CCDC141: variants seen among roughly 807,000 people sequenced by gnomAD.
The protein encoded by CCDC141 is coiled-coil domain-containing protein 141.
In CCDC141, 168 loss-of-function variants were observed where a neutral mutation model predicts 181.0. The observed-to-expected ratio is 0.93, with a 90% CI of 0.82 to 1.05. The LOEUF is 1.05. Among genes scored for constraint, CCDC141 ranks in the 50% least tolerant of loss-of-function variants. The pLI is 0.00. For missense variants in CCDC141, 1,902 were observed against 1,788.5 expected (o/e 1.06, Z -1.14); for synonymous variants, 666 against 642.3 (o/e 1.04, Z -0.56).
At chr2:178,926,878 G>A (rs1688927613) in intron 6 of CCDC141, among the ~76,000 whole-genome samples, 1 of 152,104 alleles carries the variant, frequency 6.6e-6, no homozygotes, top group Non-Finnish European at 1.5e-5. Context: ...TATATGCATT[G>A]GAACATCACT....
intron 4 of CCDC141, among the ~76,000 whole-genome samples, chr2:178,965,534 T>A (rs534292679): frequency 9.2e-5 from 14 of 152,090 alleles, no homozygotes; most frequent in Non-Finnish European, 1.5e-4. Context: ...AGGGGAATTT[T>A]CTCCCCTACC....
At chr2:178,861,635 C>CA (rs550382240) in intron 17 of CCDC141, among the ~76,000 whole-genome samples, 40,818 of 97,690 alleles carry the variant, frequency 0.42, 7,205 homozygotes, top group African/African-American at 0.53. Flanking sequence ...GACTCAGTCT[C>CA]AAAAAAAAAA....
chr2:178,894,777 G>T (rs555337721), intron 8 of CCDC141, among the ~76,000 whole-genome samples: 1 of 151,802 alleles, frequency 6.6e-6, no homozygotes, highest in East Asian at 1.9e-4. Context: ...AGACCAAGAG[G>T]CTCCAACATT....
chr2:178,899,174 A>G (rs1368592386), intron 8 of CCDC141, among the ~76,000 whole-genome samples: 3 of 152,186 alleles, frequency 2.0e-5, no homozygotes, highest in Non-Finnish European at 4.4e-5. Flanking sequence ...ATAATATTCA[A>G]TACAGTAACA....
At chr2:178,993,523 C>T (rs1416291694) in intron 2 of CCDC141, among the ~76,000 whole-genome samples, 1 of 152,166 alleles carries the variant, frequency 6.6e-6, no homozygotes, top group Non-Finnish European at 1.5e-5. Context: ...CCCACCAGGT[C>T]TCTCCCACAG....
intron 2 of CCDC141, among the ~76,000 whole-genome samples, chr2:179,017,083 T>C (rs1023650756): frequency 2.0e-5 from 3 of 152,158 alleles, no homozygotes; most frequent in African/African-American, 7.2e-5. Flanking sequence ...ACAGCACGAA[T>C]ATTTGTAAGT....
intron 2 of CCDC141, among the ~76,000 whole-genome samples, chr2:179,023,922 T>A (rs1399601138): frequency 6.6e-6 from 1 of 152,186 alleles, no homozygotes; most frequent in Non-Finnish European, 1.5e-5. Flanking sequence ...ATATACATTA[T>A]ACAGGCCATG....
chr2:178,860,543 C>CCTT (rs1685563598), intron 17 of CCDC141, among the ~76,000 whole-genome samples: 2 of 51,338 alleles, frequency 3.9e-5, no homozygotes, highest in Non-Finnish European at 6.8e-5. Context: ...AAAAACAACA[C>CCTT]TTTTTTTTTT....
chr2:178,862,207 C>T (rs1240573494), intron 17 of CCDC141, among the ~76,000 whole-genome samples: 1 of 152,158 alleles, frequency 6.6e-6, no homozygotes, highest in Non-Finnish European at 1.5e-5. Context: ...AAGTCCTTTT[C>T]TGCATAATTC....
intron 4 of CCDC141, 57 bp downstream of exon 4, chr2:178,975,000 C>T (rs1691056742): frequency 2.5e-6 from 2 of 811,212 alleles, no homozygotes; most frequent in South Asian, 2.2e-5. Context: ...AGCATTCTCA[C>T]ATTAACATCT....
chr2:178,979,845 A>T (rs1691287876), intron 2 of CCDC141, among the ~76,000 whole-genome samples: 1 of 152,210 alleles, frequency 6.6e-6, no homozygotes, highest in South Asian at 2.1e-4. Context: ...AGATAACAAG[A>T]ACTACAATTA....
chr2:178,864,612 G>A lies in CCDC141; in HGVS notation c.2724+1155C>T, dbSNP rs537994571. On this transcript the variant is annotated intron_variant, in intron 17 of 23. Transcript: ENST00000443758. ...TTCCCTCCTGTTTAACAGAATCCAA[G>A]TAGCCACTCTTGCTCTCTTCCCCTC... Among the ~76,000 whole-genome samples the A allele has an allele frequency of 3.9e-5, 6 of 152,082 alleles. No individual in the cohort carries two copies. In the East Asian group the frequency reaches 9.6e-4, roughly 24 times the overall value.
chr2:178,869,675 C>T (rs1686021822), intron 14 of CCDC141, among the ~76,000 whole-genome samples: 1 of 152,136 alleles, frequency 6.6e-6, no homozygotes, highest in Non-Finnish European at 1.5e-5. Context: ...AGACTAGAAT[C>T]AGGTGGTATG....
chr2:178,896,611 T>C (rs1189101853), intron 8 of CCDC141, among the ~76,000 whole-genome samples: 1 of 152,196 alleles, frequency 6.6e-6, no homozygotes, highest in Non-Finnish European at 1.5e-5. Context: ...AAAGGATCTA[T>C]GTTCATTTAG....
chr2:178,887,531 T>C (rs1575172000), intron 9 of CCDC141, among the ~76,000 whole-genome samples: 2 of 152,112 alleles, frequency 1.3e-5, no homozygotes, highest in Admixed American at 6.6e-5. Flanking sequence ...AAATTGGCAA[T>C]AGGACAAGCA....
chr2:178,922,523 T>C (rs1396864465), intron 6 of CCDC141, among the ~76,000 whole-genome samples: 1 of 152,184 alleles, frequency 6.6e-6, no homozygotes, highest in East Asian at 1.9e-4. Context: ...TCGGAGGTGA[T>C]AAAAATCTTG....
At chr2:179,002,510 T>C in intron 2 of CCDC141, 1 of 409,194 alleles carries the variant, frequency 2.4e-6, no homozygotes. Flanking sequence ...AAAGATGATG[T>C]CCAACAATAT....
intron 10 of CCDC141, among the ~76,000 whole-genome samples, 152 bp from the exon 11 acceptor site, chr2:178,885,244 TAA>T (rs3045637): frequency 2.2e-5 from 3 of 137,112 alleles, no homozygotes; most frequent in Non-Finnish European, 3.2e-5. Flanking sequence ...TCCAAAATTC[TAA>T]AAAAAAAAAA....
At chr2:178,877,700 T>C (rs1171410413) in intron 12 of CCDC141, 2 of 513,158 alleles carry the variant, frequency 3.9e-6, no homozygotes. Flanking sequence ...GAGGACTCTA[T>C]TTAATAATAA....
Sources: gnomAD v4.1 joint callset for allele counts (sites outside exome capture counted in the v4.1 genomes callset) on GRCh38, gnomAD v4.1.1 for gene constraint, MANE v1.5 for transcripts, NCBI Gene and HGNC (gene_info 2026-07-23, HGNC 2026-07-21) for gene names.